Variants in ZFP90 observed in about 807,000 individuals in gnomAD.
The protein encoded by ZFP90 is zinc finger protein 90 homolog.
A neutral mutation model predicts 60.8 loss-of-function variants in ZFP90; 38 were observed. The ratio of observed to expected loss-of-function variants is 0.62; its 90% CI spans 0.48 to 0.82. The LOEUF is 0.82. Among genes scored for constraint, ZFP90 ranks in the 40% least tolerant of loss-of-function variants. The pLI is 0.00. For synonymous variants in ZFP90, 287 were observed against 264.8 expected (o/e 1.08, Z -0.82); for missense variants, 711 against 759.1 (o/e 0.94, Z 0.74).
upstream of ZFP90, among the ~76,000 whole-genome samples, chr16:68,538,676 A>G (rs1373737375): frequency 3.3e-5 from 5 of 150,342 alleles, no homozygotes; most frequent in Admixed American, 3.3e-4. Flanking sequence ...ATTGCACTCC[A>G]ACCTAGGCAA....
chr16:68,568,595 A>T (rs1280469476), downstream of ZFP90, among the ~76,000 whole-genome samples: 2 of 152,254 alleles, frequency 1.3e-5, no homozygotes, highest in African/African-American at 4.8e-5. Flanking sequence ...AGACACACAC[A>T]AAGATGTTTA....
chr16:68,535,791 C>A (rs995397881), upstream of ZFP90: 11 of 152,226 alleles, frequency 7.2e-5, no homozygotes, highest in African/African-American at 2.6e-4. Context: ...TTGGGCTTCT[C>A]GGTATTCCCT....
At chr16:68,536,997 T>C (rs2090965330), upstream of ZFP90, among the ~76,000 whole-genome samples, 1 of 152,202 alleles carries the variant, frequency 6.6e-6, no homozygotes, top group Admixed American at 6.5e-5. Flanking sequence ...CTCACTCTGC[T>C]AAGGTACATT....
chr16:68,549,243 T>C (rs966319867), intron 2 of ZFP90, among the ~76,000 whole-genome samples: 5 of 152,180 alleles, frequency 3.3e-5, no homozygotes, highest in African/African-American at 1.2e-4. Flanking sequence ...GAGCTGTTGC[T>C]CTTTGATAAT....
intron 4 of ZFP90, among the ~76,000 whole-genome samples, chr16:68,560,551 T>TTATC (rs2091423541): frequency 6.6e-6 from 1 of 151,852 alleles, no homozygotes; most frequent in Admixed American, 6.6e-5. Flanking sequence ...ATTTATTTAT[T>TTATC]TATTTATTTA....
chr16:68,541,604 T>TTATA (rs200733027), intron 2 of ZFP90, among the ~76,000 whole-genome samples: 17 of 151,710 alleles, frequency 1.1e-4, no homozygotes, highest in African/African-American at 3.4e-4. Context: ...GCCTGCGTTT[T>TTATA]TATATATATA....
In ZFP90 at chr16:68,565,226, G is replaced by A. The variant is rs1271172708; in HGVS notation, c.*528G>A. 1 of 986,536 alleles carries A rather than the reference G, an allele frequency of 1.0e-6. No homozygotes were observed. Among genetic ancestry groups the A allele is most frequent in the East Asian group, 1.1e-4 (1 of 8,980 alleles). The allele number at this position is 986,536 out of a possible 1,614,324, so 61.1% of individuals were successfully genotyped here. ...GACTGAAAGCCAAAGATGTGAAGTG[G>A]TTTCCACAGTATGATACAGCCTATA... On this transcript the variant is annotated 3_prime_UTR_variant, in exon 5 of 5. Coordinates refer to ENST00000563169, the MANE Select transcript of ZFP90 (RefSeq NM_001305203.2).
Position 68,563,862 on chromosome 16 carries a change from A to T in ZFP90, c.1075A>T (p.Thr359Ser), listed in dbSNP as rs1236108365. 2 of 1,614,114 alleles carry T rather than the reference A, an allele frequency of 1.2e-6. No homozygotes were observed. The highest frequency in any genetic ancestry group is 4.5e-5 in the East Asian group (2 of 44,866). ...HGTSLTQHEV[T>S]HSGEKPFQCK... is the part of the protein sequence containing the mutation. ...CACATCCCTCACTCAACACGAGGTCACACACAGTGGAGAGAAGCCCTTCCA... is the reference window on the plus strand; with the variant it reads ...CACATCCCTCACTCAACACGAGGTCTCACACAGTGGAGAGAAGCCCTTCCA... The change falls in exon 5 of 5, where the codon ACA (threonine) becomes TCA (serine). Residue 359 changes from threonine to serine, a missense_variant. Thr to Ser is a moderately conservative substitution (Grantham distance 58, BLOSUM62 1). This residue lies in a region of ZFP90 where 146 missense variants were observed against 201.4 expected (regional missense o/e 0.73). Transcript: ENST00000563169.
At chr16:68,556,680 A>G (rs2091349421) in intron 2 of ZFP90, among the ~76,000 whole-genome samples, 1 of 152,234 alleles carries the variant, frequency 6.6e-6, no homozygotes, top group Non-Finnish European at 1.5e-5. Context: ...ATCTCCGATC[A>G]TTGCTAGAAA....
chr16:68,541,848 A>T (rs932998322), intron 2 of ZFP90, among the ~76,000 whole-genome samples: 2 of 152,100 alleles, frequency 1.3e-5, no homozygotes, highest in Non-Finnish European at 2.9e-5. Context: ...TTAGTGGTGA[A>T]AGTGGATTCA....
intron 2 of ZFP90, among the ~76,000 whole-genome samples, chr16:68,542,869 A>T (rs2091077097): frequency 6.6e-6 from 1 of 152,168 alleles, no homozygotes; most frequent in African/African-American, 2.4e-5. Flanking sequence ...GGCAGTTGGG[A>T]TAACTTCAGT....
At chr16:68,546,369 A>G (rs1213300859) in intron 2 of ZFP90, among the ~76,000 whole-genome samples, 2 of 152,176 alleles carry the variant, frequency 1.3e-5, no homozygotes, top group South Asian at 2.1e-4. Flanking sequence ...AAAATTCTTC[A>G]TCTTGTAAAA....
At chr16:68,567,945 T>C (rs1159477819), downstream of ZFP90, among the ~76,000 whole-genome samples, 3 of 152,184 alleles carry the variant, frequency 2.0e-5, no homozygotes, top group African/African-American at 7.2e-5. Flanking sequence ...ACTTCAAGAT[T>C]GAGCACTTTT....
At chr16:68,539,117 G>A (rs1432479790), upstream of ZFP90, 1 of 152,244 alleles carries the variant, frequency 6.6e-6, no homozygotes, top group African/African-American at 2.4e-5. Context: ...TGGAATACAG[G>A]GACACGCACA....
intron 2 of ZFP90, among the ~76,000 whole-genome samples, chr16:68,541,120 C>A (rs1249939881): frequency 1.3e-5 from 2 of 151,878 alleles, no homozygotes; most frequent in African/African-American, 2.4e-5. Flanking sequence ...ACTGCAACCT[C>A]CACCTCCTGG....
rs769760564 is a variant in ZFP90, at chr16:68,563,452, A to G, written c.665A>G (p.His222Arg). 6.2e-7 allele frequency: 1 copy of G among 1,614,126 alleles called. No individual in the cohort carries two copies. Among genetic ancestry groups the G allele is most frequent in the Admixed American group, 1.7e-5 (1 of 60,006 alleles). The change falls in exon 5 of 5, where the codon CAT becomes CGT. Residue 222 changes from histidine (H) to arginine (R), a missense_variant. By Grantham distance (29) the His-to-Arg change is conservative. Transcript: ENST00000563169. ...GATAAATGTAGAAAAGCCTTTATTCATAGATCATCGCTTACTAAACATGAG... is the reference window on the plus strand; with the variant it reads ...GATAAATGTAGAAAAGCCTTTATTCGTAGATCATCGCTTACTAAACATGAG... Reference protein sequence around the residue: ...KCDKCRKAFIHRSSLTKHEKT... With the variant: ...KCDKCRKAFIRRSSLTKHEKT...
rs35335958 is a variant in ZFP90, at chr16:68,549,678, C to CAAAAAAAAA, written c.34-8308_34-8300dup. On this transcript the variant is annotated intron_variant, in intron 2 of 4. Coordinates refer to ENST00000563169, the MANE Select transcript of ZFP90 (RefSeq NM_001305203.2). ...TGGGCGACTGAGCAAGACTCCATCT[C>CAAAAAAAAA]AAAAAAAAAAAAAAAAAAAAGTCTT... 8.7e-4 allele frequency among the ~76,000 whole-genome samples: 55 copies of CAAAAAAAAA among 62,920 alleles called. 4 individuals are homozygous for CAAAAAAAAA. Among genetic ancestry groups the CAAAAAAAAA allele is most frequent in the African/African-American group, 1.5e-3 (20 of 13,092 alleles). 41.3% of individuals were successfully genotyped at this position (62,920 alleles called of 152,430 possible).
intron 2 of ZFP90, among the ~76,000 whole-genome samples, chr16:68,540,808 C>CAAAAAAAAAAAAAAAAA (rs35122186): frequency 4.3e-5 from 4 of 92,654 alleles, no homozygotes; most frequent in Non-Finnish European, 8.0e-5. Flanking sequence ...TCCGTCTCTG[C>CAAAAAAAAAAAAAAAAA]AAAAAAAAAA....
downstream of ZFP90, among the ~76,000 whole-genome samples, chr16:68,567,394 T>C (rs939253262): frequency 2.0e-5 from 3 of 152,196 alleles, no homozygotes; most frequent in African/African-American, 7.2e-5. Flanking sequence ...ACAATCTGAT[T>C]GTATTGACTG....
Sources: allele counts gnomAD v4.1 joint callset (sites outside exome capture counted in the v4.1 genomes callset), GRCh38; gene constraint gnomAD v4.1.1; regional missense constraint gnomAD v4.1.1; transcripts MANE v1.5; gene names NCBI Gene and HGNC (gene_info 2026-07-23, HGNC 2026-07-21).